CPN1: variants seen among roughly 807,000 people sequenced by gnomAD.
CPN1 encodes carboxypeptidase N catalytic chain.
In CPN1, 37 loss-of-function variants were observed where a neutral mutation model predicts 46.4. That is an observed-to-expected ratio of 0.80 (90% CI 0.61 to 1.05). CPN1 has a LOEUF of 1.05. Among genes scored for constraint, CPN1 ranks in the 50% least tolerant of loss-of-function variants. The probability of loss-of-function intolerance (pLI) is 0.00; values close to 1 mark genes in which losing one functional copy is unlikely to be tolerated. For missense variants in CPN1, 563 were observed against 602.6 expected, an observed-to-expected ratio of 0.93 and a Z score of 0.69; for synonymous variants, 224 against 235.4, an observed-to-expected ratio of 0.95 and a Z score of 0.44.
At chr10:100,076,629 A>G (rs1218353091) in intron 1 of CPN1, among the ~76,000 whole-genome samples, 1 of 152,240 alleles carries the variant, frequency 6.6e-6, no homozygotes. Flanking sequence ...TTGAAAACTT[A>G]GTTTTCTTGG....
chr10:100,047,627 G>C (rs2041322797), intron 8 of CPN1, among the ~76,000 whole-genome samples: 2 of 152,106 alleles, frequency 1.3e-5, no homozygotes. Context: ...GTATCTTTGG[G>C]CCTTCATTCT....
At position 100,042,559 on chromosome 10, in the gene CPN1, G is replaced by A; in HGVS notation, c.1245C>T (p.Leu415=). Residue 415 remains leucine, a synonymous_variant, in exon 9 of 9, where the codon CTC becomes CTT. Coordinates refer to ENST00000370418, the MANE Select transcript of CPN1 (RefSeq NM_001308.3). ...PAEPTLVNFH[L]KRSIPQVSPV... ...GGCTTACTTGAGGGATGCTTCTTTT[G>A]AGGTGGAAGTTAACCTGGAAGAAAA... 1 of 1,613,938 alleles carries A rather than the reference G, an allele frequency of 6.2e-7. No individual in the cohort carries two copies. Among genetic ancestry groups the A allele is most frequent in the Non-Finnish European group, 8.5e-7 (1 of 1,180,008 alleles).
chr10:100,046,637 G>C (rs1042242765), intron 8 of CPN1, among the ~76,000 whole-genome samples: 1 of 151,934 alleles, frequency 6.6e-6, no homozygotes, highest in South Asian at 2.1e-4. Flanking sequence ...GCTGGGCGTG[G>C]TGGCACATGC....
intron 5 of CPN1, among the ~76,000 whole-genome samples, chr10:100,062,354 T>A (rs1039017500): frequency 4.6e-5 from 7 of 152,154 alleles, no homozygotes; most frequent in African/African-American, 1.4e-4. Flanking sequence ...ACATTATCAA[T>A]GGCCAATGTC....
chr10:100,057,226 CTCTT>C, intron 5 of CPN1, 74 bp from the exon 6 acceptor site: 1 of 1,522,060 alleles, frequency 6.6e-7, no homozygotes, highest in Non-Finnish European at 8.9e-7. Flanking sequence ...CTCTCTCTCT[CTCTT>C]TTTAAAATTT....
chr10:100,067,870 G>A lies in CPN1; in HGVS notation c.576+1844C>T, dbSNP rs2041463109. 2.6e-5 allele frequency among the ~76,000 whole-genome samples: 4 copies of A among 152,022 alleles called. No homozygotes were observed. In the South Asian group the frequency reaches 8.3e-4, roughly 32 times the overall value. ...TCAAAGGTCATATAGAAGGGGAAAA[G>A]GGGCCAGGTGTGGTGGCTCACACCT... On this transcript the variant is annotated intron_variant, in intron 3 of 8. Coordinates refer to ENST00000370418, the MANE Select transcript of CPN1 (RefSeq NM_001308.3).
chr10:100,076,880 C>T (rs1408066727), intron 1 of CPN1, among the ~76,000 whole-genome samples: 1 of 152,156 alleles, frequency 6.6e-6, no homozygotes, highest in East Asian at 1.9e-4. Flanking sequence ...AATCTGAAGG[C>T]ACAGAATAGG....
intron 8 of CPN1, among the ~76,000 whole-genome samples, chr10:100,044,351 C>T (rs1172305292): frequency 6.6e-6 from 1 of 152,074 alleles, no homozygotes; most frequent in Non-Finnish European, 1.5e-5. Flanking sequence ...AAAGAAAACA[C>T]TGGGCCCCGG....
Position 100,069,887 on chromosome 10 carries a change from G to C in CPN1, c.421-18C>G. The C allele has an allele frequency of 6.2e-7, 1 of 1,612,664 alleles. No homozygotes were observed. The highest frequency in any genetic ancestry group is 1.1e-5 in the South Asian group (1 of 90,996). On this transcript the variant is annotated intron_variant, in intron 2 of 8. Transcript: ENST00000370418. ...TTTGGGCCCTAAAGGAAAATGAAAA[G>C]ATGAAAAATGAAGGTTTCAGATTGA... is the stretch of plus-strand genomic sequence containing the variant.
At chr10:100,073,284 T>A (rs1039407269) in intron 2 of CPN1, among the ~76,000 whole-genome samples, 1 of 152,226 alleles carries the variant, frequency 6.6e-6, no homozygotes, top group Non-Finnish European at 1.5e-5. Flanking sequence ...TCCAGGGGCT[T>A]GTCACTGCTT....
Position 100,065,359 on chromosome 10 carries a change from C to T in CPN1, c.588G>A (p.Glu196=), listed in dbSNP as rs1216662114. Residue 196 remains glutamate (E), a synonymous_variant, in exon 4 of 9, where the codon GAG becomes GAA. Transcript: ENST00000370418. ...PDNWKSQVEP[E]TRAVIRWMHS... is the part of the protein sequence containing the mutation. Reference sequence around the variant, plus strand: ...GCATCCACCGGATCACCGCCCGGGTCTCGGGTTCCACCTGGGAGGAGGCGA... The same window carrying T: ...GCATCCACCGGATCACCGCCCGGGTTTCGGGTTCCACCTGGGAGGAGGCGA... 5.0e-6 allele frequency: 8 copies of T among 1,614,056 alleles called. No homozygotes were observed. The highest frequency in any genetic ancestry group is 6.8e-6 in the Non-Finnish European group (8 of 1,180,038).
chr10:100,042,700 A>G (rs2133421290), intron 8 of CPN1, 127 bp from the exon 9 acceptor site: 1 of 1,207,656 alleles, frequency 8.3e-7, no homozygotes, highest in Non-Finnish European at 1.2e-6. Flanking sequence ...TGGTGGTGTC[A>G]TATAGACTTG....
At chr10:100,050,681 G>C (rs1335444441) in intron 7 of CPN1, among the ~76,000 whole-genome samples, 1 of 152,178 alleles carries the variant, frequency 6.6e-6, no homozygotes, top group Admixed American at 6.5e-5. Flanking sequence ...CTAGAGTGCA[G>C]TGGTGCTATC....
At chr10:100,080,118 T>C (rs1314690981) in intron 1 of CPN1, among the ~76,000 whole-genome samples, 1 of 150,504 alleles carries the variant, frequency 6.6e-6, no homozygotes, top group Non-Finnish European at 1.5e-5. Flanking sequence ...AGAAACCAGT[T>C]GGGAGTTCAG....
chr10:100,063,696 T>C lies in CPN1; in HGVS notation c.789A>G (p.Gly263=). 1.2e-6 allele frequency: 2 copies of C among 1,613,996 alleles called. No homozygotes were observed. The highest frequency in any genetic ancestry group is 1.7e-5 in the Admixed American group (1 of 60,004). Residue 263 remains glycine (G), a synonymous_variant, in exon 5 of 9, where the codon GGA becomes GGG. Transcript: ENST00000370418. ...CGCAGTTCCAACCTTGGAACATCCA[T>C]CCATGTGCATAGGAGTAGACCTTGG... ...KLAKVYSYAH[G]WMFQGWNCGD...
rs113808831 is a variant in CPN1 at position 100,048,632 on chromosome 10, G to A, written c.1230+126C>T. On this transcript the variant is annotated intron_variant, in intron 8 of 8. Transcript: ENST00000370418. Reference sequence around the variant, plus strand: ...CAGGATTGCTTCGGCCCAGGAGATCGAGGCTGCAGTGAGCCACAGTGGTGC... The same window carrying A: ...CAGGATTGCTTCGGCCCAGGAGATCAAGGCTGCAGTGAGCCACAGTGGTGC... 205 of 774,788 alleles carry A rather than the reference G, an allele frequency of 2.6e-4. 2 individuals are homozygous for A. In the East Asian group the frequency reaches 4.4e-3, roughly 17 times the overall value. 48.0% of individuals were successfully genotyped at this position (774,788 alleles called of 1,614,324 possible).
rs1246769650 is a variant in CPN1 at position 100,075,804 on chromosome 10, T to C, written c.420+107A>G. On this transcript the variant is annotated intron_variant, in intron 2 of 8. Transcript: ENST00000370418. ...TCTTGGCCATTTCATCTTTTACTTT[T>C]AACATTTGTGATATTTACAGTGGGA... The C allele has an allele frequency of 8.3e-6, 10 of 1,203,636 alleles. No individual in the cohort carries two copies. The Admixed American group carries it at 1.6e-4, about 19-fold the overall frequency. The allele number at this position is 1,203,636 out of a possible 1,614,324, so 74.6% of individuals were successfully genotyped here.
intron 6 of CPN1, 56 bp from the exon 7 acceptor site, chr10:100,054,502 G>A (rs2041373952): frequency 1.4e-6 from 2 of 1,401,976 alleles, no homozygotes; most frequent in South Asian, 2.3e-5. Flanking sequence ...TTTGTACAGT[G>A]TTTTAGAGTC....
intron 8 of CPN1, among the ~76,000 whole-genome samples, chr10:100,046,740 C>T (rs1027089836): frequency 6.7e-6 from 1 of 149,488 alleles, no homozygotes; most frequent in African/African-American, 2.5e-5. Flanking sequence ...GCCATTCACT[C>T]CAGCCAGGGC....
Sources: gnomAD v4.1 joint callset for allele counts (sites outside exome capture counted in the v4.1 genomes callset) on GRCh38, gnomAD v4.1.1 for gene constraint, MANE v1.5 for transcripts, NCBI Gene and HGNC (gene_info 2026-07-23, HGNC 2026-07-21) for gene names.